Variants in MAP2K5 observed in about 807,000 individuals in gnomAD.
MAP2K5 encodes the protein dual specificity mitogen-activated protein kinase kinase 5.
Under a neutral mutation model 83.1 loss-of-function variants are expected in MAP2K5, and 49 were observed. The observed-to-expected ratio is 0.59, with a 90% CI of 0.47 to 0.75. The LOEUF is 0.75. MAP2K5 is among the 30% of genes least tolerant of loss of function. MAP2K5 has a pLI of 0.00. For missense variants in MAP2K5, 457 were observed against 557.5 expected (o/e 0.82, Z 1.82); for synonymous variants, 202 against 191.8 (o/e 1.05, Z -0.44).
chr15:67,791,379 G>A (rs1381154445), intron 21 of MAP2K5, among the ~76,000 whole-genome samples: 2 of 152,142 alleles, frequency 1.3e-5, no homozygotes, highest in African/African-American at 2.4e-5. Flanking sequence ...TGGAGTGTGG[G>A]GAAAGACTGA....
chr15:67,630,702 G>A (rs1331682064), intron 8 of MAP2K5, among the ~76,000 whole-genome samples, 186 bp from the exon 9 acceptor site: 1 of 152,206 alleles, frequency 6.6e-6, no homozygotes, highest in Non-Finnish European at 1.5e-5. Flanking sequence ...TTAAGGTAAT[G>A]TATAGTAAAT....
chr15:67,721,591 C>A (rs1036059554), intron 16 of MAP2K5, among the ~76,000 whole-genome samples: 27 of 152,138 alleles, frequency 1.8e-4, no homozygotes, highest in African/African-American at 6.0e-4. Context: ...ATTTGTAGAG[C>A]CCAGTGTTCC....
At position 67,624,357 on chromosome 15, in the gene MAP2K5, A is replaced by AAG. The variant is rs1327592759; in HGVS notation, c.546-6530_546-6529insGA. Among the ~76,000 whole-genome samples the AAG allele has an allele frequency of 3.4e-4, 52 of 151,152 alleles. 1 individual carries two copies. In the South Asian group the frequency reaches 0.011, roughly 31 times the overall value. On this transcript the variant is annotated intron_variant, in intron 8 of 21. Transcript: ENST00000178640. ...CCGTCTCAAAAAAAAAAAAAAAAAAAAAGAAGTGGCACAGCTGGGATTTGA... is the reference window on the plus strand; with the variant it reads ...CCGTCTCAAAAAAAAAAAAAAAAAAAAGAAGAAGTGGCACAGCTGGGATTTGA...
rs541425617 is a variant in MAP2K5 at position 67,783,585 on chromosome 15, G to A, written c.1242+10833G>A. Among the ~76,000 whole-genome samples, 17 of 152,276 alleles carry A rather than the reference G, an allele frequency of 1.1e-4. No individual in the cohort carries two copies. The highest frequency in any genetic ancestry group is 2.0e-4 in the Admixed American group (3 of 15,296). ...ATACTTCTGTTAGTGCACTCGTCAC[G>A]CTTTGTGGCAGTAACTTGTGGTAAC... On this transcript the variant is annotated intron_variant, in intron 21 of 21. Transcript: ENST00000178640. This position sits in a 1 kb window ranked among gnomAD's most constrained non-coding sequence, Gnocchi z 5.1.
intron 12 of MAP2K5, 136 bp from the exon 13 acceptor site, chr15:67,664,461 C>A (rs1357953768): frequency 5.0e-6 from 3 of 596,892 alleles, no homozygotes; most frequent in Non-Finnish European, 8.9e-6. Flanking sequence ...TGATTGTACC[C>A]CACAGCACTT....
Position 67,720,271 on chromosome 15 carries a change from T to C in MAP2K5, c.1045-7645T>C, listed in dbSNP as rs11630417. On this transcript the variant is annotated intron_variant, in intron 16 of 21. Coordinates refer to ENST00000178640, the MANE Select transcript of MAP2K5 (RefSeq NM_145160.3). This position sits in a 1 kb window ranked among gnomAD's most constrained non-coding sequence, Gnocchi z 5.7. ...ACACACGCATATATATACACACACA[T>C]ATGCTTATATATACATAAGTATACA... 0.55 allele frequency among the ~76,000 whole-genome samples: 83,554 copies of C among 151,824 alleles called. 23,704 individuals carry two copies. Among genetic ancestry groups the C allele is most frequent in the Non-Finnish European group, 0.6 (40,983 of 67,928 alleles).
At chr15:67,762,575 A>C (rs1245311219) in intron 19 of MAP2K5, among the ~76,000 whole-genome samples, 5 of 152,076 alleles carry the variant, frequency 3.3e-5, no homozygotes, top group Non-Finnish European at 7.4e-5. Flanking sequence ...CAAAAAAAAA[A>C]AAAAAAACAA....
In MAP2K5 at chr15:67,668,756, G is replaced by A. The variant is rs773046045; in HGVS notation, c.847+4111G>A. ...GCAAGGGTAATGAGAATAGAATTTA[G>A]ATTAAGAAAATAAAATTGGCAATCA... is the stretch of plus-strand genomic sequence containing the variant. On this transcript the variant is annotated intron_variant, in intron 13 of 21. Coordinates refer to ENST00000178640, the MANE Select transcript of MAP2K5 (RefSeq NM_145160.3). This position sits in a 1 kb window ranked among gnomAD's most constrained non-coding sequence, Gnocchi z 4.0. Among the ~76,000 whole-genome samples the A allele has an allele frequency of 2.6e-5, 4 of 151,850 alleles. No homozygotes were observed. Among genetic ancestry groups the A allele is most frequent in the Admixed American group, 6.6e-5 (1 of 15,220 alleles).
At chr15:67,740,094 G>A (rs1299347264) in intron 17 of MAP2K5, among the ~76,000 whole-genome samples, 1 of 152,106 alleles carries the variant, frequency 6.6e-6, no homozygotes, top group Non-Finnish European at 1.5e-5. Context: ...GAGAGTCCAA[G>A]CCCTGTGCTT....
chr15:67,714,753 A>G lies in MAP2K5; in HGVS notation c.1044+11345A>G, dbSNP rs372024244. On this transcript the variant is annotated intron_variant, in intron 16 of 21. Transcript: ENST00000178640. ...AAAATTTGAAGTACTCCCAAATTCG[A>G]AATTTTTTGAGCACTAACTTGAACC... 3.9e-5 allele frequency among the ~76,000 whole-genome samples: 6 copies of G among 152,354 alleles called. No homozygotes were observed. In the East Asian group the frequency reaches 9.6e-4, roughly 24 times the overall value.
chr15:67,781,040 G>A lies in MAP2K5; in HGVS notation c.1242+8288G>A, dbSNP rs1365874161. On this transcript the variant is annotated intron_variant, in intron 21 of 21. Transcript: ENST00000178640. The surrounding 1 kb of genome is among the most constrained non-coding windows in gnomAD (Gnocchi z 4.0). ...TAGATTGATGACAGGGGACCCGAAG[G>A]TTTTTATCTGTCAGCACATCAGATG... 6.6e-6 allele frequency among the ~76,000 whole-genome samples: 1 copy of A among 152,168 alleles called. No homozygotes were observed. The highest frequency in any genetic ancestry group is 1.5e-5 in the Non-Finnish European group (1 of 68,026).
chr15:67,720,119 T>C lies in MAP2K5; in HGVS notation c.1045-7797T>C, dbSNP rs1274638580. Among the ~76,000 whole-genome samples the C allele has an allele frequency of 6.6e-6, 1 of 152,182 alleles. No individual in the cohort carries two copies. The highest frequency in any genetic ancestry group is 2.4e-5 in the African/African-American group (1 of 41,444). Reference sequence around the variant, plus strand: ...TTTTATTTATCAATTAGCTGCCTTATACTTACTATGGCCTAGTTAAAATTG... The same window carrying C: ...TTTTATTTATCAATTAGCTGCCTTACACTTACTATGGCCTAGTTAAAATTG... On this transcript the variant is annotated intron_variant, in intron 16 of 21. Transcript: ENST00000178640. The surrounding 1 kb of genome is among the most constrained non-coding windows in gnomAD (Gnocchi z 5.7).
rs1566962799 is a variant in MAP2K5 at position 67,782,855 on chromosome 15, G to A, written c.1242+10103G>A. 1.3e-5 allele frequency among the ~76,000 whole-genome samples: 2 copies of A among 152,194 alleles called. No homozygotes were observed. Among genetic ancestry groups the A allele is most frequent in the South Asian group, 4.1e-4 (2 of 4,834 alleles). ...CCAAAACAAGCTTTCCTCCCGTCAG[G>A]GAGGTCAGCAGAGCTTCGGCTGGGC... is the stretch of plus-strand genomic sequence containing the variant. On this transcript the variant is annotated intron_variant, in intron 21 of 21. Coordinates refer to ENST00000178640, the MANE Select transcript of MAP2K5 (RefSeq NM_145160.3). This position sits in a 1 kb window ranked among gnomAD's most constrained non-coding sequence, Gnocchi z 4.9.
At chr15:67,575,919 T>TCTTTCTTTCTTTCTTTC (rs56283748) in intron 3 of MAP2K5, among the ~76,000 whole-genome samples, 2 of 74,014 alleles carry the variant, frequency 2.7e-5, no homozygotes, top group African/African-American at 1.3e-4. Context: ...TTTCTTTCTT[T>TCTTTCTTTCTTTCTTTC]TTTTTTTTTT....
At position 67,750,109 on chromosome 15, in the gene MAP2K5, T is replaced by C. The variant is rs2141275846; in HGVS notation, c.1134+1508T>C. On this transcript the variant is annotated intron_variant, in intron 19 of 21. Coordinates refer to ENST00000178640, the MANE Select transcript of MAP2K5 (RefSeq NM_145160.3). The surrounding 1 kb of genome is among the most constrained non-coding windows in gnomAD (Gnocchi z 4.2). ...ATTTAAAATATCTTACTTGTTTAAT[T>C]TGGGCAAAATCATGAGACTTTTGAA... Among the ~76,000 whole-genome samples the C allele has an allele frequency of 6.6e-6, 1 of 152,350 alleles. No homozygotes were observed. The highest frequency in any genetic ancestry group is 1.9e-4 in the East Asian group (1 of 5,190).
chr15:67,789,913 T>C (rs62015222), intron 21 of MAP2K5, among the ~76,000 whole-genome samples: 12,443 of 152,172 alleles, frequency 0.082, 680 homozygotes, highest in Admixed American at 0.1. Flanking sequence ...GTGGACACAA[T>C]TTCCAAGGCC....
intron 9 of MAP2K5, among the ~76,000 whole-genome samples, 178 bp downstream of exon 9, chr15:67,631,105 C>T (rs893152858): frequency 6.6e-6 from 1 of 152,122 alleles, no homozygotes; most frequent in Non-Finnish European, 1.5e-5. Flanking sequence ...TTAAGTATGC[C>T]TTAAAATAGT....
intron 15 of MAP2K5, among the ~76,000 whole-genome samples, chr15:67,694,470 T>C (rs572151069): frequency 1.3e-5 from 2 of 152,256 alleles, no homozygotes; most frequent in Non-Finnish European, 2.9e-5. Context: ...TATATTATCT[T>C]GATTAAAGAT....
At chr15:67,630,330 A>G (rs2086441919) in intron 8 of MAP2K5, among the ~76,000 whole-genome samples, 1 of 152,190 alleles carries the variant, frequency 6.6e-6, no homozygotes, top group African/African-American at 2.4e-5. Flanking sequence ...TTTTTCATAA[A>G]TGGATACATT....
Sources: gnomAD v4.1 joint callset for allele counts (sites outside exome capture counted in the v4.1 genomes callset) on GRCh38, gnomAD v4.1.1 for gene constraint, Gnocchi (gnomAD v3.1) non-coding constraint, MANE v1.5 for transcripts, NCBI Gene and HGNC (gene_info 2026-07-23, HGNC 2026-07-21) for gene names.